SYNE1: variants seen among roughly 807,000 people sequenced by gnomAD.
SYNE1 encodes the protein nesprin-1.
In SYNE1, 616 loss-of-function variants were observed where a neutral mutation model predicts 1,111.0. The observed-to-expected ratio is 0.55, with a 90% CI of 0.52 to 0.59. SYNE1 has a LOEUF of 0.59. Ranked by LOEUF, SYNE1 falls within the 20% of genes least tolerant of loss-of-function variation. SYNE1 has a pLI of 0.00. For missense variants in SYNE1, 10,006 were observed against 10,417.0 expected, an observed-to-expected ratio of 0.96 and a Z score of 1.72; for synonymous variants, 3,855 against 3,825.8, an observed-to-expected ratio of 1.01 and a Z score of -0.28.
chr6:152,365,120 G>C, intron 62 of SYNE1, 101 bp from the exon 63 acceptor site: 1 of 1,472,850 alleles, frequency 6.8e-7, no homozygotes, highest in Non-Finnish European at 9.4e-7. Context: ...ATATGCAATT[G>C]TGCCCAGCCC....
intron 4 of SYNE1, among the ~76,000 whole-genome samples, chr6:152,534,039 A>G (rs1313919931): frequency 6.6e-6 from 1 of 151,878 alleles, no homozygotes; most frequent in African/African-American, 2.4e-5. Context: ...GGCTCCTGTA[A>G]TCCCAGCTAC....
At chr6:152,624,298 C>T (rs1249532516) in intron 3 of SYNE1, among the ~76,000 whole-genome samples, 2 of 152,146 alleles carry the variant, frequency 1.3e-5, no homozygotes, top group Non-Finnish European at 2.9e-5. Context: ...ATAACCAACA[C>T]TGATATGTTC....
chr6:152,125,621 T>C (rs917073718), intron 145 of SYNE1: 4 of 355,210 alleles, frequency 1.1e-5, no homozygotes, highest in South Asian at 7.1e-5. Flanking sequence ...TCAACACCTG[T>C]AGCTAGATGA....
intron 73 of SYNE1, among the ~76,000 whole-genome samples, chr6:152,345,547 C>T (rs1264208608): frequency 6.8e-6 from 1 of 148,122 alleles, no homozygotes; most frequent in African/African-American, 2.5e-5. Flanking sequence ...TGATGTATCA[C>T]CAGTTCTTTT....
intron 19 of SYNE1, 151 bp from the exon 20 acceptor site, chr6:152,463,041 G>T (rs1057363310): frequency 6.9e-6 from 7 of 1,008,794 alleles, no homozygotes; most frequent in African/African-American, 3.3e-5. Context: ...TTTGAAGTAA[G>T]TCCAATTAGT....
In SYNE1 at chr6:152,362,935, C is replaced by T. The variant is rs190568343; in HGVS notation, c.10146-612G>A. 2.7e-3 allele frequency among the ~76,000 whole-genome samples: 408 copies of T among 151,482 alleles called. 3 individuals carry two copies. Among genetic ancestry groups the T allele is most frequent in the Non-Finnish European group, 4.2e-3 (282 of 67,900 alleles). On this transcript the variant is annotated intron_variant, in intron 63 of 145. Coordinates refer to ENST00000367255, the MANE Select transcript of SYNE1 (RefSeq NM_182961.4). ...TGGCCGTCTCACCCAGGCTGGAGTG[C>T]AGTGGCGCGATCTCGGCTCACTGCA...
At chr6:152,522,144 T>C (rs1314056117) in intron 5 of SYNE1, among the ~76,000 whole-genome samples, 4 of 152,050 alleles carry the variant, frequency 2.6e-5, no homozygotes, top group Non-Finnish European at 5.9e-5. Context: ...AATAATATAG[T>C]GGTGAAGTCT....
At chr6:152,412,953 G>T (rs912282756) in intron 42 of SYNE1, among the ~76,000 whole-genome samples, 2 of 151,558 alleles carry the variant, frequency 1.3e-5, no homozygotes, top group African/African-American at 4.8e-5. Context: ...CAGGGTTCAA[G>T]TGATTCTCCT....
intron 46 of SYNE1, 45 bp from the exon 47 acceptor site, chr6:152,401,386 G>A: frequency 6.4e-7 from 1 of 1,569,198 alleles, no homozygotes; most frequent in Non-Finnish European, 8.7e-7. Context: ...AAGACCAGAA[G>A]AATACTCATT....
intron 3 of SYNE1, among the ~76,000 whole-genome samples, chr6:152,548,079 C>T (rs1267779630): frequency 6.6e-6 from 1 of 152,182 alleles, no homozygotes; most frequent in African/African-American, 2.4e-5. Context: ...GCCCAGTTGA[C>T]CTTCTCAACT....
At chr6:152,149,875 A>C (rs539184334) in intron 135 of SYNE1, among the ~76,000 whole-genome samples, 1 of 152,348 alleles carries the variant, frequency 6.6e-6, no homozygotes, top group East Asian at 1.9e-4. Flanking sequence ...AAATAGAAAC[A>C]TTCGAATTCC....
rs574263559 is a variant in SYNE1, at chr6:152,562,762, T to C, written c.68-22741A>G. Among the ~76,000 whole-genome samples, 12 of 152,330 alleles carry C rather than the reference T, an allele frequency of 7.9e-5. No homozygotes were observed. The South Asian group carries it at 2.5e-3, about 32-fold the overall frequency. On this transcript the variant is annotated intron_variant, in intron 3 of 145. Coordinates refer to ENST00000367255, the MANE Select transcript of SYNE1 (RefSeq NM_182961.4). ...CACATGTATACCTATGTAACAAACC[T>C]GCACGTTCTGCACTTGTATCCCAGG...
chr6:152,305,142 C>A (rs1180614728), intron 91 of SYNE1, among the ~76,000 whole-genome samples: 2 of 152,130 alleles, frequency 1.3e-5, no homozygotes, highest in Non-Finnish European at 2.9e-5. Context: ...TGTGGCCAGT[C>A]TCTGGTATTC....
intron 11 of SYNE1, among the ~76,000 whole-genome samples, chr6:152,493,441 C>G (rs2098982291): frequency 1.3e-5 from 2 of 152,196 alleles, no homozygotes; most frequent in African/African-American, 4.8e-5. Flanking sequence ...ACCCATCAGT[C>G]TCAGCAACTT....
At chr6:152,494,957 A>G (rs372598024) in intron 11 of SYNE1, among the ~76,000 whole-genome samples, 5 of 151,946 alleles carry the variant, frequency 3.3e-5, no homozygotes, top group African/African-American at 9.7e-5. Context: ...TGAAGTTTCC[A>G]CCTATCAATC....
At chr6:152,276,779 C>T (rs1336018903) in intron 98 of SYNE1, among the ~76,000 whole-genome samples, 2 of 151,862 alleles carry the variant, frequency 1.3e-5, no homozygotes, top group Non-Finnish European at 2.9e-5. Context: ...CAGATGATAC[C>T]ATCAGATGCT....
At chr6:152,204,523 G>C (rs1426841423) in intron 126 of SYNE1, among the ~76,000 whole-genome samples, 2 of 152,064 alleles carry the variant, frequency 1.3e-5, no homozygotes, top group Non-Finnish European at 2.9e-5. Flanking sequence ...AGTATTAAAA[G>C]CTAAATATAG....
intron 3 of SYNE1, among the ~76,000 whole-genome samples, chr6:152,568,289 C>CTTTTTTTTTTTTTTTTTTTTTTTTTTT (rs10601350): frequency 1.2e-5 from 1 of 80,310 alleles, no homozygotes; most frequent in Non-Finnish European, 2.2e-5. Context: ...TTATTTTATT[C>CTTTTTTTTTTTTTTTTTTTTTTTTTTT]TTTTTTTTTT....
intron 81 of SYNE1, among the ~76,000 whole-genome samples, chr6:152,324,863 G>T (rs1214986981): frequency 6.6e-6 from 1 of 152,170 alleles, no homozygotes; most frequent in Non-Finnish European, 1.5e-5. Flanking sequence ...TTAATTGCTT[G>T]GTTTTTCTCA....
Sources: allele counts gnomAD v4.1 joint callset (sites outside exome capture counted in the v4.1 genomes callset), GRCh38; gene constraint gnomAD v4.1.1; transcripts MANE v1.5; gene names NCBI Gene and HGNC (gene_info 2026-07-23, HGNC 2026-07-21).